Variants in MSANTD4 observed in about 807,000 individuals in gnomAD.
MSANTD4 encodes the protein myb/SANT-like DNA-binding domain-containing protein 4.
In MSANTD4, 13 loss-of-function variants were observed where a neutral mutation model predicts 34.3. That is an observed-to-expected ratio of 0.38 (90% CI 0.25 to 0.60). MSANTD4 has a LOEUF of 0.60. Ranked by LOEUF, MSANTD4 falls within the 20% of genes least tolerant of loss-of-function variation. The pLI is 0.63. For synonymous variants in MSANTD4, 137 were observed against 145.2 expected (o/e 0.94, Z 0.41); for missense variants, 358 against 401.8 (o/e 0.89, Z 0.93).
chr11:106,016,377 T>C (rs1217031963), intron 1 of MSANTD4, among the ~76,000 whole-genome samples: 2 of 152,204 alleles, frequency 1.3e-5, no homozygotes, highest in Non-Finnish European at 2.9e-5. Flanking sequence ...TGCTGCTTCT[T>C]AGTACCCTAT....
Position 106,007,907 on chromosome 11 carries a change from T to C in MSANTD4, c.*1628A>G, listed in dbSNP as rs1033822971. 4 of 152,680 alleles carry C rather than the reference T, an allele frequency of 2.6e-5. No homozygotes were observed. Among genetic ancestry groups the C allele is most frequent in the Non-Finnish European group, 4.4e-5 (3 of 68,042 alleles). The allele number at this position is 152,680 out of a possible 1,614,324, so 9.5% of individuals were successfully genotyped here. A position where few individuals can be genotyped will look rare whatever the true frequency, so the allele number is the denominator to read the frequency against. ...TCATCTGAAATTACAAATTCTCAGA[T>C]AGTATAGGCAAATTTATTTCTATGG... On this transcript the variant is annotated 3_prime_UTR_variant, in exon 3 of 3. Coordinates refer to ENST00000301919, the MANE Select transcript of MSANTD4 (RefSeq NM_032424.3).
chr11:106,021,905 TCTC>T lies in MSANTD4; in HGVS notation c.-1097_-1095del, dbSNP rs1860052317. 6.6e-6 allele frequency: 1 copy of T among 151,980 alleles called. No homozygotes were observed. Among genetic ancestry groups the T allele is most frequent in the Non-Finnish European group, 1.5e-5 (1 of 68,058 alleles). 9.4% of individuals were successfully genotyped at this position (151,980 alleles called of 1,614,324 possible). On this transcript the variant is annotated 5_prime_UTR_variant, in exon 1 of 3. Transcript: ENST00000301919. ...GTGGGAGTCGGGGCAACCTGGAAGA[TCTC>T]CTCTCTCTGGGTATTAAATGAGAGT...
intron 1 of MSANTD4, among the ~76,000 whole-genome samples, chr11:106,018,439 A>G (rs956723062): frequency 6.6e-6 from 1 of 152,196 alleles, no homozygotes; most frequent in Admixed American, 6.5e-5. Flanking sequence ...TCTCTGACCA[A>G]TTAAAACAAT....
intron 1 of MSANTD4, among the ~76,000 whole-genome samples, chr11:106,011,979 A>C (rs775610973): frequency 2.0e-5 from 3 of 152,130 alleles, no homozygotes; most frequent in Non-Finnish European, 2.9e-5. Flanking sequence ...CCAACACAGA[A>C]ATCCTAAATT....
At chr11:106,017,395 G>T (rs1489900365) in intron 1 of MSANTD4, among the ~76,000 whole-genome samples, 1 of 152,104 alleles carries the variant, frequency 6.6e-6, no homozygotes, top group African/African-American at 2.4e-5. Context: ...TTAGCCCACA[G>T]CACATTTATT....
At chr11:106,014,990 T>C (rs1442484732) in intron 1 of MSANTD4, among the ~76,000 whole-genome samples, 7 of 152,188 alleles carry the variant, frequency 4.6e-5, no homozygotes, top group African/African-American at 1.4e-4. Context: ...AGTAGACTTA[T>C]AGACTTTGAA....
At chr11:106,019,955 C>T (rs1363177091) in intron 1 of MSANTD4, among the ~76,000 whole-genome samples, 2 of 152,098 alleles carry the variant, frequency 1.3e-5, no homozygotes, top group East Asian at 3.9e-4. Context: ...GACTAATACT[C>T]GTGATGTTTT....
Position 106,009,781 on chromosome 11 carries a change from C to T in MSANTD4, c.792G>A (p.Leu264=). Residue 264 remains leucine, a synonymous_variant, in exon 3 of 3, where the codon TTG becomes TTA. Coordinates refer to ENST00000301919, the MANE Select transcript of MSANTD4 (RefSeq NM_032424.3). The part of the protein sequence containing the change: ...KERLQIEREK[L]RLQIVNSEKP... ...TCTCTGAATTGACTATCTGTAACCT[C>T]AACTTTTCTCTTTCAATCTGCAGCC... The T allele has an allele frequency of 6.2e-7, 1 of 1,614,206 alleles. No homozygotes were observed. The highest frequency in any genetic ancestry group is 8.5e-7 in the Non-Finnish European group (1 of 1,180,040).
At position 106,007,954 on chromosome 11, in the gene MSANTD4, T is replaced by C. The variant is rs1393008811; in HGVS notation, c.*1581A>G. ...ATGGTAGAAGCATTTATTTCAGATA[T>C]AGAAAAATAACACTATTTCAAAGTC... On this transcript the variant is annotated 3_prime_UTR_variant, in exon 3 of 3. Transcript: ENST00000301919. 2.6e-5 allele frequency: 4 copies of C among 152,660 alleles called. No homozygotes were observed. 9.5% of individuals were successfully genotyped at this position (152,660 alleles called of 1,614,324 possible). A position where few individuals can be genotyped will look rare whatever the true frequency, so the allele number is the denominator to read the frequency against.
Position 106,008,960 on chromosome 11 carries a change from T to C in MSANTD4, c.*575A>G, listed in dbSNP as rs1361439177. On this transcript the variant is annotated 3_prime_UTR_variant, in exon 3 of 3. Transcript: ENST00000301919. ...ATTTCATAGTTAAAGTTTTTGGCCATTTAAGTACCTACCCACATAAATATC... is the reference window on the plus strand; with the variant it reads ...ATTTCATAGTTAAAGTTTTTGGCCACTTAAGTACCTACCCACATAAATATC... 1.3e-5 allele frequency: 2 copies of C among 152,280 alleles called. No individual in the cohort carries two copies. The highest frequency in any genetic ancestry group is 4.8e-5 in the African/African-American group (2 of 41,460). The allele number at this position is 152,280 out of a possible 1,614,324, so 9.4% of individuals were successfully genotyped here. A position where few individuals can be genotyped will look rare whatever the true frequency, so the allele number is the denominator to read the frequency against.
intron 1 of MSANTD4, among the ~76,000 whole-genome samples, chr11:106,017,904 C>T (rs952915422): frequency 1.3e-4 from 20 of 152,050 alleles, no homozygotes; most frequent in South Asian, 1.2e-3. Context: ...AGCTGTGTCT[C>T]TCAAACTATA....
At position 106,009,837 on chromosome 11, in the gene MSANTD4, C is replaced by G. The variant is rs1433446879; in HGVS notation, c.736G>C (p.Glu246Gln). The G allele has an allele frequency of 4.3e-6, 7 of 1,614,012 alleles. No individual in the cohort carries two copies. The highest frequency in any genetic ancestry group is 5.9e-6 in the Non-Finnish European group (7 of 1,180,042). ...TTCTCTAGCTGAAGCCGCTCATGTT[C>G]CATGTCTAAATGCCGCAGCCTCTCT... ...EKERLRHLDM[E>Q]HERLQLEKER... Residue 246 changes from glutamate to glutamine, a missense_variant, in exon 3 of 3, where the codon GAA becomes CAA. Glu to Gln is a conservative substitution (Grantham distance 29). Coordinates refer to ENST00000301919, the MANE Select transcript of MSANTD4 (RefSeq NM_032424.3).
chr11:106,018,283 A>G (rs1035606095), intron 1 of MSANTD4, among the ~76,000 whole-genome samples: 2 of 152,230 alleles, frequency 1.3e-5, no homozygotes, highest in African/African-American at 4.8e-5. Flanking sequence ...TGTACTTTAC[A>G]GTTACAACAT....
At position 106,010,842 on chromosome 11, in the gene MSANTD4, TC is replaced by T; in HGVS notation, c.75del (p.Arg27GlyfsTer16). On this transcript the variant is annotated frameshift_variant, in exon 2 of 3. Transcript: ENST00000301919. LOFTEE classifies it high-confidence loss of function. ...QETQTLLKEITKRKEVIFSKQ... is the reference protein window; with the variant it reads ...QETQTLLKEIXKRKEVIFSKQ... ...TTGGAAAAAATGACTTCTTTCCTTT[TC>T]GTAATTTCTTTCAAAAGGGTCTGAG... 1 of 1,614,044 alleles carries T rather than the reference TC, an allele frequency of 6.2e-7. No homozygotes were observed. Among genetic ancestry groups the T allele is most frequent in the Non-Finnish European group, 8.5e-7 (1 of 1,180,008 alleles).
chr11:106,010,867 A>T lies in MSANTD4; in HGVS notation c.51T>A (p.Thr17=), dbSNP rs1305590469. The T allele has an allele frequency of 1.2e-6, 2 of 1,611,494 alleles. No individual in the cohort carries two copies. Among genetic ancestry groups the T allele is most frequent in the African/African-American group, 1.3e-5 (1 of 74,768 alleles). ...TCGTAATTTCTTTCAAAAGGGTCTG[A>T]GTTTCTTGAACACTAAAATTGCTTT... ...KRKSNFSVQE[T]QTLLKEITKR... is the part of the protein sequence containing the mutation. Residue 17 remains threonine, a synonymous_variant, in exon 2 of 3, where the codon ACT becomes ACA. Coordinates refer to ENST00000301919, the MANE Select transcript of MSANTD4 (RefSeq NM_032424.3).
chr11:106,016,080 A>G (rs1859836986), intron 1 of MSANTD4, among the ~76,000 whole-genome samples: 1 of 152,112 alleles, frequency 6.6e-6, no homozygotes, highest in Non-Finnish European at 1.5e-5. Flanking sequence ...CTGGTCTTGA[A>G]CTTTTTGCCT....
At chr11:106,015,801 A>AGAAAAT (rs1193853516) in intron 1 of MSANTD4, among the ~76,000 whole-genome samples, 121 of 152,348 alleles carry the variant, frequency 7.9e-4, no homozygotes, top group East Asian at 5.8e-4. Context: ...AATAAATAAA[A>AGAAAAT]GAAAATGAAA....
Position 106,011,081 on chromosome 11 carries a change from A to G in MSANTD4, c.-150-14T>C. 7.9e-7 allele frequency: 1 copy of G among 1,263,920 alleles called. No homozygotes were observed. Among genetic ancestry groups the G allele is most frequent in the South Asian group, 1.7e-5 (1 of 57,430 alleles). The allele number at this position is 1,263,920 out of a possible 1,614,324, so 78.3% of individuals were successfully genotyped here. A position where few individuals can be genotyped will look rare whatever the true frequency, so the allele number is the denominator to read the frequency against. On this transcript the variant is annotated splice_polypyrimidine_tract_variant and intron_variant, in intron 1 of 2. Transcript: ENST00000301919. ...TCTGGATAATTCCTAAAAGGAAAAAAGTACAAGCAATCAATCAATCTGCAA... is the reference window on the plus strand; with the variant it reads ...TCTGGATAATTCCTAAAAGGAAAAAGGTACAAGCAATCAATCAATCTGCAA...
intron 1 of MSANTD4, among the ~76,000 whole-genome samples, chr11:106,019,976 A>G (rs1032799140): frequency 6.6e-6 from 1 of 152,246 alleles, no homozygotes; most frequent in Admixed American, 6.5e-5. Context: ...GAAGATTAAA[A>G]GAGATAAACC....
Sources: gnomAD v4.1 joint callset for allele counts (sites outside exome capture counted in the v4.1 genomes callset) on GRCh38, gnomAD v4.1.1 for gene constraint, MANE v1.5 for transcripts, NCBI Gene and HGNC (gene_info 2026-07-23, HGNC 2026-07-21) for gene names.